Variants in FILIP1L observed in about 807,000 individuals in gnomAD.
The protein encoded by FILIP1L is filamin A-interacting protein 1-like.
In FILIP1L, 55 loss-of-function variants were observed where a neutral mutation model predicts 96.6. That is an observed-to-expected ratio of 0.57 (90% CI 0.46 to 0.71). The LOEUF (loss-of-function observed/expected upper bound fraction) is 0.71, where lower values mean the gene tolerates loss of function less well. FILIP1L is among the 30% of genes least tolerant of loss of function. The probability of loss-of-function intolerance (pLI) is 0.00; values close to 1 mark genes in which losing one functional copy is unlikely to be tolerated. For synonymous variants in FILIP1L, 467 were observed against 473.9 expected (o/e 0.99, Z 0.19); for missense variants, 1,304 against 1,321.2 (o/e 0.99, Z 0.20).
intron 4 of FILIP1L, among the ~76,000 whole-genome samples, chr3:99,902,241 G>A (rs1352599136): frequency 2.0e-5 from 3 of 152,020 alleles, no homozygotes; most frequent in Non-Finnish European, 4.4e-5. Context: ...GGAATTTGGG[G>A]GCATGGTCTC....
chr3:99,944,271 G>A (rs1707939995), intron 1 of FILIP1L, among the ~76,000 whole-genome samples: 2 of 152,160 alleles, frequency 1.3e-5, no homozygotes, highest in African/African-American at 4.8e-5. Context: ...ACCAGTGCTT[G>A]TTGTTTAGTA....
At chr3:99,984,061 T>TC (rs1709258190) in intron 1 of FILIP1L, among the ~76,000 whole-genome samples, 1 of 151,790 alleles carries the variant, frequency 6.6e-6, no homozygotes, top group African/African-American at 2.4e-5. Flanking sequence ...TATGTGTGTT[T>TC]GTGTGTGTGT....
chr3:100,012,566 G>C (rs570818002), intron 1 of FILIP1L, among the ~76,000 whole-genome samples: 3 of 152,180 alleles, frequency 2.0e-5, no homozygotes, highest in Admixed American at 2.0e-4. Context: ...GGAAGGCTGG[G>C]AGAGGTTCTA....
chr3:99,886,130 T>C (rs1039889117), intron 4 of FILIP1L, among the ~76,000 whole-genome samples: 1 of 152,112 alleles, frequency 6.6e-6, no homozygotes. Flanking sequence ...TGGACGTGAG[T>C]GAGAGATGAT....
chr3:100,027,876 A>G (rs1329327589), intron 1 of FILIP1L, among the ~76,000 whole-genome samples: 2 of 152,186 alleles, frequency 1.3e-5, no homozygotes, highest in Non-Finnish European at 2.9e-5. Flanking sequence ...AAGTGAAACT[A>G]GAGTTGGGAG....
chr3:99,991,946 A>G (rs1445324285), intron 1 of FILIP1L, among the ~76,000 whole-genome samples: 6 of 148,638 alleles, frequency 4.0e-5, no homozygotes, highest in African/African-American at 9.9e-5. Flanking sequence ...ATGTGTATAT[A>G]TGTGTATATA....
chr3:99,927,168 T>C (rs1707318663), intron 3 of FILIP1L, among the ~76,000 whole-genome samples: 1 of 152,226 alleles, frequency 6.6e-6, no homozygotes, highest in Admixed American at 6.5e-5. Context: ...GAAATCTTTT[T>C]TCCTCTTTCA....
chr3:99,959,180 ACT>A (rs1708423357), intron 1 of FILIP1L, among the ~76,000 whole-genome samples: 1 of 152,128 alleles, frequency 6.6e-6, no homozygotes, highest in Non-Finnish European at 1.5e-5. Context: ...GCAGAGTCTC[ACT>A]CTCTTGCCCA....
intron 4 of FILIP1L, among the ~76,000 whole-genome samples, chr3:99,915,859 A>C (rs1576570272): frequency 6.6e-6 from 1 of 152,214 alleles, no homozygotes; most frequent in African/African-American, 2.4e-5. Flanking sequence ...ACAATATGCC[A>C]CTTGAAAACT....
chr3:100,009,904 A>G (rs188606131), intron 1 of FILIP1L, among the ~76,000 whole-genome samples: 3 of 152,298 alleles, frequency 2.0e-5, no homozygotes, highest in Admixed American at 2.0e-4. Flanking sequence ...GAAAGTAAAT[A>G]CCACTTTCTT....
chr3:99,834,700 T>C (rs1358409744), intron 5 of FILIP1L, among the ~76,000 whole-genome samples: 1 of 152,204 alleles, frequency 6.6e-6, no homozygotes, highest in African/African-American at 2.4e-5. Context: ...TCTCATTTCT[T>C]CATTTGCACC....
chr3:100,094,440 T>A (rs982113570), intron 1 of FILIP1L, among the ~76,000 whole-genome samples: 19 of 152,174 alleles, frequency 1.2e-4, no homozygotes, highest in Admixed American at 1.2e-3. Flanking sequence ...TTTGATACAG[T>A]GTAACTTATC....
At chr3:100,017,187 A>G (rs576110796) in intron 1 of FILIP1L, among the ~76,000 whole-genome samples, 1 of 152,352 alleles carries the variant, frequency 6.6e-6, no homozygotes, top group Non-Finnish European at 1.5e-5. Flanking sequence ...ATATGTCTGT[A>G]TCTGATTATC....
intron 4 of FILIP1L, among the ~76,000 whole-genome samples, chr3:99,889,055 G>A (rs964992670): frequency 2.0e-5 from 3 of 152,016 alleles, no homozygotes; most frequent in Admixed American, 6.6e-5. Context: ...TTTTGTTCAG[G>A]TTCTCTATCT....
intron 1 of FILIP1L, among the ~76,000 whole-genome samples, chr3:99,983,394 ATAT>A (rs1709194009): frequency 2.1e-4 from 18 of 84,860 alleles, no homozygotes; most frequent in Admixed American, 1.2e-3. Flanking sequence ...AAATAAATAT[ATAT>A]ATATATATAT....
At chr3:100,078,418 T>A (rs2065882391) in intron 1 of FILIP1L, among the ~76,000 whole-genome samples, 1 of 152,212 alleles carries the variant, frequency 6.6e-6, no homozygotes, top group Admixed American at 6.5e-5. Context: ...TTGTCTTAAT[T>A]CTCTATTGCT....
At chr3:100,010,294 GA>G (rs982635139) in intron 1 of FILIP1L, 40 of 200,140 alleles carry the variant, frequency 2.0e-4, no homozygotes, top group Non-Finnish European at 2.7e-4. Flanking sequence ...TGCATGGAAG[GA>G]AAAAAAAATG....
At chr3:100,084,676 C>A (rs1202681098) in intron 1 of FILIP1L, among the ~76,000 whole-genome samples, 1 of 152,192 alleles carries the variant, frequency 6.6e-6, no homozygotes, top group Non-Finnish European at 1.5e-5. Flanking sequence ...GAAATTGTCA[C>A]TTACGTATAA....
At chr3:99,944,571 C>T (rs1707951629) in intron 1 of FILIP1L, among the ~76,000 whole-genome samples, 1 of 152,226 alleles carries the variant, frequency 6.6e-6, no homozygotes, top group African/African-American at 2.4e-5. Flanking sequence ...TACTCTGATT[C>T]ATCTGCACTT....
Sources: gnomAD v4.1 joint callset for allele counts (sites outside exome capture counted in the v4.1 genomes callset) on GRCh38, gnomAD v4.1.1 for gene constraint, MANE v1.5 for transcripts, NCBI Gene and HGNC (gene_info 2026-07-23, HGNC 2026-07-21) for gene names.